TNS3: variants seen among roughly 807,000 people sequenced by gnomAD.
The protein encoded by TNS3 is tensin 3.
A neutral mutation model predicts 140.9 loss-of-function variants in TNS3; 45 were observed. The ratio of observed to expected loss-of-function variants is 0.32; its 90% CI spans 0.25 to 0.41. The LOEUF (loss-of-function observed/expected upper bound fraction) is 0.41. Ranked by LOEUF, TNS3 falls within the 10% of genes least tolerant of loss-of-function variation. The pLI, the probability that TNS3 is intolerant of heterozygous loss-of-function variation, is 1.00. For synonymous variants in TNS3, 815 were observed against 788.4 expected (o/e 1.03, Z -0.56); for missense variants, 1,716 against 1,906.7 (o/e 0.90, Z 1.86).
chr7:47,323,783 A>G (rs921079121), intron 20 of TNS3, among the ~76,000 whole-genome samples: 2 of 152,254 alleles, frequency 1.3e-5, no homozygotes, highest in Non-Finnish European at 2.9e-5. Context: ...CAAGTTATGT[A>G]TATACCAAGA....
rs1792860244 is a variant in TNS3 at position 47,396,849 on chromosome 7, G to T, written c.975C>A (p.Asp325Glu). 2 of 1,614,146 alleles carry T rather than the reference G, an allele frequency of 1.2e-6. No individual in the cohort carries two copies. ...HGVIVDYNTT[D>E]PLIRWDSYEN... ...CGTACGAGTCCCAGCGTATCAGTGG[G>T]TCTGTTGTGTTGTAGTCCACAATCA... Residue 325 changes from aspartate (D) to glutamate (E), a missense_variant, in exon 16 of 31, where the codon GAC becomes GAA. This residue lies in a region of TNS3 where 1,163 missense variants were observed against 1,182.1 expected (regional missense o/e 0.98). Transcript: ENST00000311160.
At chr7:47,389,002 GGAAGAAGAAGAA>G (rs1175410885) in intron 16 of TNS3, among the ~76,000 whole-genome samples, 77 of 6,632 alleles carry the variant, frequency 0.012, 6 homozygotes, top group Non-Finnish European at 0.04. Context: ...AGAAGAAGAA[GGAAGAAGAAGAA>G]GAAGAAGAAG....
intron 4 of TNS3, among the ~76,000 whole-genome samples, chr7:47,469,973 C>CAAAA (rs144012426): frequency 0.034 from 2,205 of 64,786 alleles, 128 homozygotes; most frequent in African/African-American, 0.07. Flanking sequence ...AACTCTGTCT[C>CAAAA]AAAAAAAAAA....
intron 23 of TNS3, among the ~76,000 whole-genome samples, chr7:47,297,944 G>A (rs1324953689): frequency 2.0e-5 from 3 of 151,760 alleles, no homozygotes; most frequent in South Asian, 2.1e-4. Context: ...CTGCCACCAC[G>A]TCTGGCTAAT....
chr7:47,537,881 T>A (rs1244505132), intron 1 of TNS3, among the ~76,000 whole-genome samples: 1 of 151,952 alleles, frequency 6.6e-6, no homozygotes, highest in Non-Finnish European at 1.5e-5. Flanking sequence ...CAAGCAAATA[T>A]CAAAGCACAG....
chr7:47,326,628 CT>C (rs1788039065), intron 20 of TNS3, among the ~76,000 whole-genome samples: 1 of 152,076 alleles, frequency 6.6e-6, no homozygotes, highest in Non-Finnish European at 1.5e-5. Flanking sequence ...AAAATCACCC[CT>C]CTCTCGAAAT....
chr7:47,375,843 T>C (rs543590554), intron 16 of TNS3, among the ~76,000 whole-genome samples: 1 of 152,198 alleles, frequency 6.6e-6, no homozygotes, highest in Non-Finnish European at 1.5e-5. Context: ...TCCACTGAAC[T>C]GTCCACTGGC....
intron 30 of TNS3, chr7:47,278,523 T>C (rs1784976903): frequency 3.3e-6 from 1 of 300,772 alleles, no homozygotes; most frequent in Non-Finnish European, 6.1e-6. Flanking sequence ...CCTCTATAGA[T>C]GCTTCCCCAC....
chr7:47,525,405 C>A (rs1026668149), intron 2 of TNS3, among the ~76,000 whole-genome samples: 3 of 152,222 alleles, frequency 2.0e-5, no homozygotes, highest in Admixed American at 6.5e-5. Flanking sequence ...AGACAGCATG[C>A]CTTACTGCAT....
intron 27 of TNS3, among the ~76,000 whole-genome samples, chr7:47,284,531 C>T (rs1049831415): frequency 6.6e-6 from 1 of 152,244 alleles, no homozygotes; most frequent in African/African-American, 2.4e-5. Flanking sequence ...CCCTTCTAGC[C>T]TGTGACCCTG....
chr7:47,518,641 C>CA (rs1196547079), intron 2 of TNS3, among the ~76,000 whole-genome samples: 1 of 152,066 alleles, frequency 6.6e-6, no homozygotes, highest in African/African-American at 2.4e-5. Context: ...ACAGCCTGGG[C>CA]AACAGTAAGA....
chr7:47,437,388 T>G, intron 6 of TNS3, 75 bp from the exon 7 acceptor site: 1 of 563,894 alleles, frequency 1.8e-6, no homozygotes. Context: ...TAATTTTTAT[T>G]TAATTTTAAT....
At position 47,388,245 on chromosome 7, in the gene TNS3, TAC is replaced by T. The variant is rs141454544; in HGVS notation, c.1024+8553_1024+8554del. Among the ~76,000 whole-genome samples, 6 of 151,654 alleles carry T rather than the reference TAC, an allele frequency of 4.0e-5. No homozygotes were observed. The South Asian group carries it at 1.3e-3, about 32-fold the overall frequency. ...TTACACCAGGGTCTACACACACACATACACACACACACACTGCTGCTCACGCT... is the reference window on the plus strand; with the variant it reads ...TTACACCAGGGTCTACACACACACATACACACACACACTGCTGCTCACGCT... On this transcript the variant is annotated intron_variant, in intron 16 of 30. Coordinates refer to ENST00000311160, the MANE Select transcript of TNS3 (RefSeq NM_022748.12).
chr7:47,415,991 C>T (rs543997555), intron 10 of TNS3, among the ~76,000 whole-genome samples: 5 of 152,366 alleles, frequency 3.3e-5, no homozygotes, highest in Admixed American at 1.3e-4. Context: ...CTCTCTGACG[C>T]TTCCCTGGCC....
chr7:47,557,800 G>A (rs1280563315), intron 1 of TNS3, among the ~76,000 whole-genome samples: 20 of 152,158 alleles, frequency 1.3e-4, no homozygotes, highest in Admixed American at 1.2e-3. Flanking sequence ...AGAGCAAACT[G>A]TCCAACAATG....
chr7:47,544,264 G>A (rs1799865419), intron 1 of TNS3, among the ~76,000 whole-genome samples: 1 of 151,676 alleles, frequency 6.6e-6, no homozygotes, highest in South Asian at 2.1e-4. Context: ...GGGGGTGGGG[G>A]TGCCCAGCCC....
rs534382149 is a variant in TNS3 at position 47,487,185 on chromosome 7, G to A, written c.-114-6044C>T. ...GTGGCGGCACGTGCCTGTAATCCCA[G>A]CTACTCAGGAGGCTGAGACAGGAGA... On this transcript the variant is annotated intron_variant, in intron 3 of 30. Transcript: ENST00000311160. Among the ~76,000 whole-genome samples the A allele has an allele frequency of 2.4e-4, 37 of 152,198 alleles. No individual in the cohort carries two copies. In the South Asian group the frequency reaches 3.7e-3, roughly 15 times the overall value.
chr7:47,436,789 A>T (rs1795203510), intron 7 of TNS3, among the ~76,000 whole-genome samples: 1 of 152,142 alleles, frequency 6.6e-6, no homozygotes, highest in Non-Finnish European at 1.5e-5. Flanking sequence ...TATTTGTTAT[A>T]GATTTGTTCC....
At chr7:47,517,200 C>T (rs1456902996) in intron 2 of TNS3, among the ~76,000 whole-genome samples, 1 of 152,204 alleles carries the variant, frequency 6.6e-6, no homozygotes, top group African/African-American at 2.4e-5. Flanking sequence ...CCAATGTTGA[C>T]TGAAGACAAG....
Sources: allele counts gnomAD v4.1 joint callset (sites outside exome capture counted in the v4.1 genomes callset), GRCh38; gene constraint gnomAD v4.1.1; regional missense constraint gnomAD v4.1.1; transcripts MANE v1.5; gene names NCBI Gene and HGNC (gene_info 2026-07-23, HGNC 2026-07-21).